Variants in ANKRD30B observed in about 807,000 individuals in gnomAD.
ANKRD30B encodes ankyrin repeat domain-containing protein 30B.
ANKRD30B carries 144 observed loss-of-function variants against 202.2 expected under a neutral mutation model. The ratio of observed to expected loss-of-function variants is 0.71; its 90% CI spans 0.62 to 0.82. ANKRD30B has a LOEUF of 0.82. ANKRD30B is among the 40% of genes least tolerant of loss of function. The pLI, the probability that ANKRD30B is intolerant of heterozygous loss-of-function variation, is 0.00. For missense variants in ANKRD30B, 1,487 were observed against 1,669.1 expected, an observed-to-expected ratio of 0.89 and a Z score of 1.90; for synonymous variants, 508 against 561.3, an observed-to-expected ratio of 0.91 and a Z score of 1.34.
intron 15 of ANKRD30B, 63 bp downstream of exon 15, chr18:14,787,163 A>C: frequency 6.9e-7 from 1 of 1,440,142 alleles, no homozygotes; most frequent in Non-Finnish European, 9.5e-7. Context: ...ATAAAATCAG[A>C]TGCTTAGACT....
the ANKRD30B span, among the ~76,000 whole-genome samples, chr18:14,921,073 C>G: frequency 1.3e-5 from 2 of 152,114 alleles, no homozygotes; most frequent in Admixed American, 1.3e-4. Context: ...AAAGGTGGAG[C>G]CCAGTAATGA....
intron 8 of ANKRD30B, 54 bp downstream of exon 8, chr18:14,769,427 A>G: frequency 7.1e-7 from 1 of 1,400,120 alleles, no homozygotes; most frequent in Non-Finnish European, 9.8e-7. Context: ...AACATAGAGA[A>G]AAGAAATCAC....
chr18:14,912,888 A>G, the ANKRD30B span, among the ~76,000 whole-genome samples: 2 of 152,250 alleles, frequency 1.3e-5, no homozygotes, highest in African/African-American at 2.4e-5. Flanking sequence ...TGTGTGATGC[A>G]TGAAAGAAAA....
intron 39 of ANKRD30B, among the ~76,000 whole-genome samples, chr18:14,847,993 G>C (rs1971723652): frequency 6.6e-6 from 1 of 151,990 alleles, no homozygotes; most frequent in Non-Finnish European, 1.5e-5. Context: ...TCAGTGTTCT[G>C]TTCTATATTG....
chr18:14,847,050 T>TTATA (rs56871571), intron 39 of ANKRD30B, among the ~76,000 whole-genome samples: 4,023 of 108,918 alleles, frequency 0.037, 69 homozygotes, highest in Non-Finnish European at 0.05. Context: ...TGATTTAGTT[T>TTATA]TATATATATA....
At chr18:14,900,866 G>A in the ANKRD30B span, among the ~76,000 whole-genome samples, 5 of 152,266 alleles carry the variant, frequency 3.3e-5, no homozygotes, top group Non-Finnish European at 5.9e-5. Context: ...ATTATGGAAC[G>A]GTGAGCTAAA....
intron 30 of ANKRD30B, among the ~76,000 whole-genome samples, chr18:14,821,360 T>G (rs1311425729): frequency 6.6e-6 from 1 of 152,206 alleles, no homozygotes; most frequent in Non-Finnish European, 1.5e-5. Flanking sequence ...TGTCTCTATT[T>G]CCTTCAGTTC....
the ANKRD30B span, among the ~76,000 whole-genome samples, chr18:14,884,627 T>G: frequency 6.6e-6 from 1 of 151,858 alleles, no homozygotes; most frequent in African/African-American, 2.4e-5. Context: ...ATGATAAGAA[T>G]TTGGAAAATG....
the ANKRD30B span, among the ~76,000 whole-genome samples, chr18:14,904,288 C>T: frequency 1.3e-4 from 20 of 152,196 alleles, no homozygotes; most frequent in Non-Finnish European, 2.8e-4. Context: ...GCTAGAGAAA[C>T]ATTTATTTCA....
the ANKRD30B span, among the ~76,000 whole-genome samples, chr18:14,880,565 G>GTTT: frequency 2.3e-5 from 1 of 43,206 alleles, no homozygotes; most frequent in African/African-American, 6.0e-5. Context: ...TTTCTTTCTT[G>GTTT]GTTTTTTTTT....
chr18:14,891,275 G>T, the ANKRD30B span, among the ~76,000 whole-genome samples: 1 of 149,896 alleles, frequency 6.7e-6, no homozygotes, highest in South Asian at 2.1e-4. Context: ...CTTCATTTTT[G>T]CTACCTGGAT....
At chr18:14,843,384 TTAAACTC>T (rs1253957516) in intron 39 of ANKRD30B, among the ~76,000 whole-genome samples, 1 of 152,190 alleles carries the variant, frequency 6.6e-6, no homozygotes, top group Non-Finnish European at 1.5e-5. Flanking sequence ...AGGTGTATTT[TTAAACTC>T]TAATATTTTT....
intron 39 of ANKRD30B, among the ~76,000 whole-genome samples, chr18:14,845,844 C>T (rs527470788): frequency 9.9e-5 from 15 of 152,250 alleles, no homozygotes; most frequent in Middle Eastern, 3.4e-3. Context: ...TGTGCCCTCA[C>T]ATGGCAGAAA....
In ANKRD30B at chr18:14,748,620, C is replaced by T; in HGVS notation, c.201C>T (p.Asn67=). Residue 67 remains asparagine, a synonymous_variant, in exon 1 of 44, where the codon AAC becomes AAT. Transcript: ENST00000690538. ...MTVGKKPVNL[N]KRDMKKRTAL... ...TAGGGAAGAAGCCCGTCAACCTGAA[C>T]AAAAGAGATATGAAGAAGAGGTACC... The T allele has an allele frequency of 1.3e-6, 2 of 1,565,526 alleles. No individual in the cohort carries two copies. Among genetic ancestry groups the T allele is most frequent in the Non-Finnish European group, 1.7e-6 (2 of 1,155,220 alleles).
At chr18:14,873,286 G>A in the ANKRD30B span, among the ~76,000 whole-genome samples, 1 of 152,222 alleles carries the variant, frequency 6.6e-6, no homozygotes, top group African/African-American at 2.4e-5. Context: ...AGCACTTGGG[G>A]AGGCCGAGGT....
At chr18:14,811,325 C>T (rs568263742) in intron 28 of ANKRD30B, among the ~76,000 whole-genome samples, 25 of 151,178 alleles carry the variant, frequency 1.7e-4, no homozygotes, top group South Asian at 1.5e-3. Context: ...CATTCTCCTG[C>T]CTGGGCCTCC....
the ANKRD30B span, among the ~76,000 whole-genome samples, chr18:14,938,235 T>G: frequency 6.6e-6 from 1 of 152,218 alleles, no homozygotes; most frequent in Admixed American, 6.5e-5. Flanking sequence ...GACTCTTGCC[T>G]CAGTCACTCA....
chr18:14,849,635 T>C (rs1971801249), intron 40 of ANKRD30B, among the ~76,000 whole-genome samples: 1 of 151,636 alleles, frequency 6.6e-6, no homozygotes, highest in Non-Finnish European at 1.5e-5. Flanking sequence ...TTAAAATTTG[T>C]TGAAAAATAT....
At chr18:14,828,215 T>G (rs1030464341) in intron 32 of ANKRD30B, 63 bp from the exon 33 acceptor site, 4 of 1,285,944 alleles carry the variant, frequency 3.1e-6, no homozygotes, top group Non-Finnish European at 4.3e-6. Flanking sequence ...CTTATGTTTT[T>G]AATATTCTGT....
Sources: allele counts gnomAD v4.1 joint callset (sites outside exome capture counted in the v4.1 genomes callset), GRCh38; gene constraint gnomAD v4.1.1; transcripts MANE v1.5; gene names NCBI Gene and HGNC (gene_info 2026-07-23, HGNC 2026-07-21).